The following GRIK2 variants were observed in gnomAD, a reference collection of about 807,000 sequenced individuals.
GRIK2 encodes the protein glutamate receptor ionotropic, kainate 2.
In GRIK2, 32 loss-of-function variants were observed where a neutral mutation model predicts 100.3. The observed-to-expected ratio is 0.32, with a 90% CI of 0.24 to 0.43. The LOEUF is 0.43. Among genes scored for constraint, GRIK2 ranks in the 20% least tolerant of loss-of-function variants. GRIK2 has a pLI of 1.00. For synonymous variants in GRIK2, 417 were observed against 389.4 expected (o/e 1.07, Z -0.83); for missense variants, 843 against 1,114.9 (o/e 0.76, Z 3.47).
chr6:101,667,290 GT>G (rs1770100752), intron 4 of GRIK2, among the ~76,000 whole-genome samples: 3 of 152,142 alleles, frequency 2.0e-5, no homozygotes, highest in Non-Finnish European at 4.4e-5. Flanking sequence ...TGGTATGGAA[GT>G]TTACAAATGG....
intron 2 of GRIK2, among the ~76,000 whole-genome samples, chr6:101,404,615 A>G (rs1047785326): frequency 2.0e-5 from 3 of 152,238 alleles, no homozygotes; most frequent in African/African-American, 7.2e-5. Context: ...TACTTAAATT[A>G]TTAATCTACT....
chr6:101,607,913 T>A (rs1779505974), intron 2 of GRIK2, among the ~76,000 whole-genome samples: 2 of 151,788 alleles, frequency 1.3e-5, no homozygotes, highest in Admixed American at 6.6e-5. Context: ...TGCCCATTCT[T>A]CTGATTCCAT....
chr6:101,877,293 A>G (rs1314905314), intron 11 of GRIK2, among the ~76,000 whole-genome samples: 3 of 151,886 alleles, frequency 2.0e-5, no homozygotes, highest in Non-Finnish European at 4.4e-5. Flanking sequence ...GGGATCGAAA[A>G]TACCAGGGCT....
chr6:101,663,861 G>T (rs1014898193), intron 4 of GRIK2, among the ~76,000 whole-genome samples: 1 of 152,104 alleles, frequency 6.6e-6, no homozygotes, highest in African/African-American at 2.4e-5. Context: ...GATGCCATTC[G>T]GTAGGCATCT....
intron 2 of GRIK2, among the ~76,000 whole-genome samples, chr6:101,476,401 G>T (rs138283343): frequency 6.6e-6 from 1 of 152,218 alleles, no homozygotes; most frequent in East Asian, 1.9e-4. Context: ...TAAGAAGCCA[G>T]CTCTTTAAGG....
intron 10 of GRIK2, among the ~76,000 whole-genome samples, chr6:101,842,574 A>C (rs1480809377): frequency 6.6e-6 from 1 of 152,208 alleles, no homozygotes; most frequent in African/African-American, 2.4e-5. Context: ...CTTAAAGCAG[A>C]GTATTTTCTT....
At chr6:101,997,050 A>G (rs1041918110) in intron 14 of GRIK2, among the ~76,000 whole-genome samples, 3 of 152,138 alleles carry the variant, frequency 2.0e-5, no homozygotes, top group African/African-American at 7.2e-5. Context: ...TATTTTACAG[A>G]AACGTGTAAC....
intron 7 of GRIK2, among the ~76,000 whole-genome samples, chr6:101,741,648 A>G (rs182280401): frequency 3.9e-5 from 6 of 152,316 alleles, no homozygotes; most frequent in South Asian, 4.1e-4. Context: ...TGGCAGCTGA[A>G]TTCACAGGAA....
At chr6:102,029,717 C>T (rs952594716) in intron 14 of GRIK2, among the ~76,000 whole-genome samples, 11 of 151,148 alleles carry the variant, frequency 7.3e-5, no homozygotes, top group East Asian at 2.0e-4. Context: ...TCTAAATCCT[C>T]GTTTATTCTA....
chr6:101,818,447 C>T lies in GRIK2; in HGVS notation c.1281C>T (p.Ser427=), dbSNP rs34747916. The T allele has an allele frequency of 1.9e-6, 3 of 1,608,630 alleles. No homozygotes were observed. In the South Asian group the frequency reaches 3.3e-5, roughly 18 times the overall value. Reference sequence around the variant, plus strand: ...GAAAGCCAGCGAACATCACAGATTCCTTATCCAATCGTTCTTTGATTGTTA... The same window carrying T: ...GAAAGCCAGCGAACATCACAGATTCTTTATCCAATCGTTCTTTGATTGTTA... The part of the protein sequence containing the change: ...QKGKPANITD[S]LSNRSLIVTT... Residue 427 remains serine, a synonymous_variant, in exon 10 of 17, where the codon TCC becomes TCT. Coordinates refer to ENST00000369134, the MANE Select transcript of GRIK2 (RefSeq NM_021956.5).
At position 101,681,743 on chromosome 6, in the gene GRIK2, T is replaced by G. The variant is rs372696583; in HGVS notation, c.724-810T>G. 5.6e-4 allele frequency among the ~76,000 whole-genome samples: 86 copies of G among 152,294 alleles called. 1 individual carries two copies. The South Asian group carries it at 0.017, about 30-fold the overall frequency. On this transcript the variant is annotated intron_variant, in intron 5 of 16. Coordinates refer to ENST00000369134, the MANE Select transcript of GRIK2 (RefSeq NM_021956.5). The stretch of plus-strand genomic sequence containing the variant: ...ATGAGTTTTTGTAGTTAGTGGCTTT[T>G]GGAAGGCTATTAGATGTACCTGAGA...
intron 9 of GRIK2, among the ~76,000 whole-genome samples, chr6:101,818,012 T>C (rs1224770696): frequency 6.6e-6 from 1 of 152,186 alleles, no homozygotes; most frequent in Non-Finnish European, 1.5e-5. Context: ...GTTATCTTTA[T>C]GAGAGGATGA....
At chr6:101,618,133 C>CT (rs959010269) in intron 2 of GRIK2, among the ~76,000 whole-genome samples, 18 of 150,648 alleles carry the variant, frequency 1.2e-4, no homozygotes, top group African/African-American at 4.1e-4. Context: ...CTTCTCTTAG[C>CT]TTTTTTTTGA....
chr6:101,661,938 C>T (rs546435263), intron 4 of GRIK2, among the ~76,000 whole-genome samples: 12 of 152,256 alleles, frequency 7.9e-5, no homozygotes, highest in African/African-American at 1.7e-4. Flanking sequence ...CCAAAGTGAT[C>T]TTATAACAAG....
chr6:101,451,588 A>G (rs898207756), intron 2 of GRIK2, among the ~76,000 whole-genome samples: 1 of 151,626 alleles, frequency 6.6e-6, no homozygotes, highest in Admixed American at 6.6e-5. Context: ...GAATGGTAGA[A>G]AAAAAGTAAA....
chr6:101,930,118 G>C (rs115358940), intron 14 of GRIK2, among the ~76,000 whole-genome samples: 1,959 of 152,124 alleles, frequency 0.013, 50 homozygotes, highest in African/African-American at 0.045. Flanking sequence ...AAGGTGGGTG[G>C]ATCACTTGAT....
intron 14 of GRIK2, among the ~76,000 whole-genome samples, chr6:102,005,441 C>CTCGG (rs1335255996): frequency 2.6e-5 from 4 of 151,936 alleles, no homozygotes; most frequent in Admixed American, 6.6e-5. Flanking sequence ...AATCATTGAG[C>CTCGG]TCGGGATCTA....
chr6:101,408,048 T>C (rs1248782026), intron 2 of GRIK2, among the ~76,000 whole-genome samples: 2 of 152,086 alleles, frequency 1.3e-5, no homozygotes, highest in Admixed American at 6.6e-5. Flanking sequence ...TGAAGGGGCA[T>C]AGATAAGGCC....
intron 4 of GRIK2, among the ~76,000 whole-genome samples, chr6:101,637,087 A>G (rs1347752411): frequency 6.6e-6 from 1 of 152,000 alleles, no homozygotes; most frequent in Non-Finnish European, 1.5e-5. Flanking sequence ...TCCCATTGTC[A>G]TACTCTTAAA....
Sources: allele counts gnomAD v4.1 joint callset (sites outside exome capture counted in the v4.1 genomes callset), GRCh38; gene constraint gnomAD v4.1.1; transcripts MANE v1.5; gene names NCBI Gene and HGNC (gene_info 2026-07-23, HGNC 2026-07-21).